ITGA5: variants seen among roughly 807,000 people sequenced by gnomAD.
ITGA5 encodes the protein integrin subunit alpha 5.
A neutral mutation model predicts 146.3 loss-of-function variants in ITGA5; 55 were observed. The ratio of observed to expected loss-of-function variants is 0.38; its 90% confidence interval spans 0.30 to 0.47. The LOEUF (loss-of-function observed/expected upper bound fraction) is 0.47. Among genes scored for constraint, ITGA5 ranks in the 20% least tolerant of loss-of-function variants. ITGA5 has a pLI of 0.99. For synonymous variants in ITGA5, 500 were observed against 531.8 expected, an observed-to-expected ratio of 0.94 and a Z score of 0.82; for missense variants, 1,131 against 1,329.0, an observed-to-expected ratio of 0.85 and a Z score of 2.32.
intron 25 of ITGA5, 183 bp from the exon 26 acceptor site, chr12:54,400,130 T>G (rs1955769293): frequency 1.7e-6 from 1 of 589,664 alleles, no homozygotes; most frequent in Non-Finnish European, 3.0e-6. Flanking sequence ...GAGGAAAACT[T>G]GGTTCTTGGA....
At chr12:54,399,030 A>G (rs1199126482) in intron 27 of ITGA5, among the ~76,000 whole-genome samples, 1 of 151,566 alleles carries the variant, frequency 6.6e-6, no homozygotes, top group Admixed American at 6.6e-5. Flanking sequence ...TTGTTTTTGT[A>G]GAAGTGGAGT....
intron 29 of ITGA5, 35 bp downstream of exon 29, chr12:54,397,330 G>A (rs1377936393): frequency 6.2e-7 from 1 of 1,612,772 alleles, no homozygotes; most frequent in Non-Finnish European, 8.5e-7. Context: ...AGCCTGATGA[G>A]AGGGTGGCCA....
chr12:54,398,530 G>T (rs1955742764), intron 28 of ITGA5, 67 bp downstream of exon 28: 3 of 1,164,274 alleles, frequency 2.6e-6, no homozygotes, highest in Non-Finnish European at 3.8e-6. Context: ...CCTCACCCAA[G>T]TCCCAGCCCT....
Position 54,408,769 on chromosome 12 carries a change from G to A in ITGA5, c.678C>T (p.Ser226=), listed in dbSNP as rs763977254. ...TGRVVLGGPG[S]YFWQGQILSA... is the part of the protein sequence containing the mutation. ...GACAGGACTTACCTTGCCAGAAATA[G>A]CTTCCTGGTCCACCTAAAACCACAC... Residue 226 remains serine (S), a synonymous_variant, in exon 6 of 30, where the codon AGC becomes AGT. Transcript: ENST00000293379. 4 of 1,603,226 alleles carry A rather than the reference G, an allele frequency of 2.5e-6. No individual in the cohort carries two copies. Among genetic ancestry groups the A allele is most frequent in the Non-Finnish European group, 3.4e-6 (4 of 1,174,444 alleles).
rs1335315221 is a variant in ITGA5 at position 54,404,442 on chromosome 12, G to A, written c.1451C>T (p.Ala484Val). The change falls in exon 14 of 30, where the codon GCT becomes GTT. Residue 484 changes from alanine (A) to valine (V), a missense_variant. By Grantham distance (64) the Ala-to-Val change is moderately conservative. Around this residue, in one of 3 missense-constraint regions of ITGA5, gnomAD observed 889 missense variants for 1,021.5 expected, o/e 0.87. Coordinates refer to ENST00000293379, the MANE Select transcript of ITGA5 (RefSeq NM_002205.5). ...TTGGAGCTCATACCTGTATACCACAGCCTTGTCCACACCAAAGGACCCCAC... is the reference window on the plus strand; with the variant it reads ...TTGGAGCTCATACCTGTATACCACAACCTTGTCCACACCAAAGGACCCCAC... ...LIVGSFGVDK[A>V]VVYRGRPIVS... 1 of 1,614,146 alleles carries A rather than the reference G, an allele frequency of 6.2e-7. No individual in the cohort carries two copies. The highest frequency in any genetic ancestry group is 1.1e-5 in the South Asian group (1 of 91,088).
At position 54,416,845 on chromosome 12, in the gene ITGA5, G is replaced by T. The variant is rs1350862760; in HGVS notation, c.218+2136C>A. On this transcript the variant is annotated intron_variant, in intron 1 of 29. Coordinates refer to ENST00000293379, the MANE Select transcript of ITGA5 (RefSeq NM_002205.5). This position sits in a 1 kb window ranked among gnomAD's most constrained non-coding sequence, Gnocchi z 4.1. The stretch of plus-strand genomic sequence containing the variant: ...CCTTTCCTACCATCTAACTGCTTTG[G>T]TGCTCGCCCTGTCCTTTAATACTAT... 1.3e-5 allele frequency among the ~76,000 whole-genome samples: 2 copies of T among 152,164 alleles called. No individual in the cohort carries two copies. The highest frequency in any genetic ancestry group is 2.9e-5 in the Non-Finnish European group (2 of 68,038).
chr12:54,413,211 T>C (rs1261652053), intron 1 of ITGA5: 1 of 152,404 alleles, frequency 6.6e-6, no homozygotes, highest in Non-Finnish European at 1.5e-5. Flanking sequence ...TCACAAGAGC[T>C]GGGGGTATTT....
Position 54,400,663 on chromosome 12 carries a change from C to G in ITGA5, c.2643+183G>C, listed in dbSNP as rs569864295. The G allele has an allele frequency of 5.9e-5, 34 of 573,138 alleles. 1 individual carries two copies. The African/African-American group carries it at 6.5e-4, about 11-fold the overall frequency. The allele number at this position is 573,138 out of a possible 1,614,324, so 35.5% of individuals were successfully genotyped here. On this transcript the variant is annotated intron_variant, in intron 25 of 29. Transcript: ENST00000293379. ...GGGATAGTTCAGGCAGAAAGAAACA[C>G]AGTGGATGAAAGTCCTTTTTCCTCC...
chr12:54,405,919 A>T lies in ITGA5; in HGVS notation c.914T>A (p.Ile305Asn). 1 of 1,613,914 alleles carries T rather than the reference A, an allele frequency of 6.2e-7. No homozygotes were observed. The highest frequency in any genetic ancestry group is 8.5e-7 in the Non-Finnish European group (1 of 1,179,838). ...GGATCGAATGTCTGAGCCATTAAGG[A>T]TGGTGACCTGGGAGATGAAGAGATA... ...KGNLTYGYVT[I>N]LNGSDIRSLY... The change falls in exon 10 of 30, where the codon ATC (isoleucine) becomes AAC (asparagine). Residue 305 changes from isoleucine to asparagine, a missense_variant. By Grantham distance (149) the Ile-to-Asn change is moderately radical. Coordinates refer to ENST00000293379, the MANE Select transcript of ITGA5 (RefSeq NM_002205.5).
At chr12:54,397,332 G>GC (rs755389678) in intron 29 of ITGA5, 33 bp downstream of exon 29, 7 of 1,612,752 alleles carry the variant, frequency 4.3e-6, no homozygotes, top group Middle Eastern at 1.6e-4. Context: ...CCTGATGAGA[G>GC]GGTGGCCAAG....
chr12:54,397,128 T>A, intron 29 of ITGA5: 1 of 379,196 alleles, frequency 2.6e-6, no homozygotes, highest in Non-Finnish European at 4.8e-6. Context: ...GTTCCAATGA[T>A]TTTGCAAGTA....
In ITGA5 at chr12:54,416,883, C is replaced by T. The variant is rs1956013538; in HGVS notation, c.218+2098G>A. Among the ~76,000 whole-genome samples, 1 of 152,170 alleles carries T rather than the reference C, an allele frequency of 6.6e-6. No individual in the cohort carries two copies. Among genetic ancestry groups the T allele is most frequent in the African/African-American group, 2.4e-5 (1 of 41,438 alleles). On this transcript the variant is annotated intron_variant, in intron 1 of 29. Coordinates refer to ENST00000293379, the MANE Select transcript of ITGA5 (RefSeq NM_002205.5). This position sits in a 1 kb window ranked among gnomAD's most constrained non-coding sequence, Gnocchi z 4.1. The stretch of plus-strand genomic sequence containing the variant: ...CCTTTAATACTATTTTGGTGTTCAC[C>T]ACAAGAGGTGATGCAGGAAGAACAA...
At position 54,401,936 on chromosome 12, in the gene ITGA5, G is replaced by A; in HGVS notation, c.2226+65C>T. 1 of 1,596,434 alleles carries A rather than the reference G, an allele frequency of 6.3e-7. No homozygotes were observed. On this transcript the variant is annotated intron_variant, in intron 21 of 29. Transcript: ENST00000293379. This position sits in a 1 kb window ranked among gnomAD's most constrained non-coding sequence, Gnocchi z 5.0. ...TCCGCACCTCACAGCTGTGCTCTCG[G>A]CTGGCTGGTTACCGCCCTCAGGTCT...
intron 9 of ITGA5, 63 bp downstream of exon 9, chr12:54,407,586 A>G (rs762469260): frequency 7.1e-7 from 1 of 1,407,970 alleles, no homozygotes; most frequent in Admixed American, 1.7e-5. Context: ...GCAAACTGCC[A>G]TGCACGGTTC....
In ITGA5 at chr12:54,401,748, C is replaced by T. The variant is rs1218016467; in HGVS notation, c.2306+28G>A. ...GCCCTCCCTTCCGTCCCCAGCTCAG[C>T]CCCAGCCTAGACACACTCACTCCCT... is the stretch of plus-strand genomic sequence containing the variant. On this transcript the variant is annotated intron_variant, in intron 22 of 29. Transcript: ENST00000293379. This position sits in a 1 kb window ranked among gnomAD's most constrained non-coding sequence, Gnocchi z 5.0. 1 of 1,612,608 alleles carries T rather than the reference C, an allele frequency of 6.2e-7. No individual in the cohort carries two copies. Among genetic ancestry groups the T allele is most frequent in the Admixed American group, 1.7e-5 (1 of 60,006 alleles).
At chr12:54,397,253 G>A (rs1955722752) in intron 29 of ITGA5, 112 bp downstream of exon 29, 1 of 1,183,080 alleles carries the variant, frequency 8.5e-7, no homozygotes, top group South Asian at 1.3e-5. Flanking sequence ...CAGGACAGAG[G>A]TGGGGGCACA....
In ITGA5 at chr12:54,401,648, G is replaced by A; in HGVS notation, c.2324C>T (p.Ser775Leu). The A allele has an allele frequency of 6.2e-7, 1 of 1,614,190 alleles. No homozygotes were observed. The highest frequency in any genetic ancestry group is 8.5e-7 in the Non-Finnish European group (1 of 1,180,048). The change falls in exon 23 of 30, where the codon TCG (serine) becomes TTG (leucine). Residue 775 changes from serine (S) to leucine (L), a missense_variant. By Grantham distance (145) the Ser-to-Leu change is moderately radical (BLOSUM62 -2). Around this residue, in one of 3 missense-constraint regions of ITGA5, gnomAD observed 889 missense variants for 1,021.5 expected, o/e 0.87. Transcript: ENST00000293379. This position sits in a 1 kb window ranked among gnomAD's most constrained non-coding sequence, Gnocchi z 5.0. ...CCGAAAGGAAACCACGTCGCTTTGC[G>A]AGTTGTTGAGATTCTTGCTGTGGGA... ...FQILSKNLNN[S>L]QSDVVSFRLS...
Position 54,405,167 on chromosome 12 carries a change from A to T in ITGA5, c.1224T>A (p.Asn408Lys). The T allele has an allele frequency of 6.3e-6, 10 of 1,595,450 alleles. No homozygotes were observed. Among genetic ancestry groups the T allele is most frequent in the South Asian group, 1.1e-5 (1 of 88,562 alleles). The part of the protein sequence containing the change: ...PLGDLDQDGY[N>K]DVAIGAPFGG... ...ACTCTCTGAGCCCATGGTACTCACC[A>T]TTGTAGCCATCCTGGTCCAGGTCCC... The change falls in exon 12 of 30, where the codon AAT becomes AAA. Residue 408 changes from asparagine (N) to lysine (K), a missense_variant and splice_region_variant. This residue lies in a region of ITGA5 where 889 missense variants were observed against 1,021.5 expected (regional missense o/e 0.87). Coordinates refer to ENST00000293379, the MANE Select transcript of ITGA5 (RefSeq NM_002205.5).
In ITGA5 at chr12:54,404,693, C is replaced by T; in HGVS notation, c.1417+10G>A. On this transcript the variant is annotated intron_variant, in intron 13 of 29. Transcript: ENST00000293379. Reference sequence around the variant, plus strand: ...TTTTAAGGTGAAAAGGGGCCTCAGGCACAACTCACCAGGATATCCATTGCC... The same window carrying T: ...TTTTAAGGTGAAAAGGGGCCTCAGGTACAACTCACCAGGATATCCATTGCC... 1 of 1,611,644 alleles carries T rather than the reference C, an allele frequency of 6.2e-7. No homozygotes were observed. Among genetic ancestry groups the T allele is most frequent in the Non-Finnish European group, 8.5e-7 (1 of 1,178,068 alleles).
Sources: allele counts gnomAD v4.1 joint callset (sites outside exome capture counted in the v4.1 genomes callset), GRCh38; gene constraint gnomAD v4.1.1; regional missense constraint gnomAD v4.1.1; non-coding constraint Gnocchi (gnomAD v3.1); transcripts MANE v1.5; gene names NCBI Gene and HGNC (gene_info 2026-07-23, HGNC 2026-07-21).